The following DNAJC12 variants were observed in gnomAD, a reference collection of about 807,000 sequenced individuals.
DNAJC12 encodes dnaJ homolog subfamily C member 12.
Under a neutral mutation model 28.5 loss-of-function variants are expected in DNAJC12, and 25 were observed. The ratio of observed to expected loss-of-function variants is 0.88; its 90% CI spans 0.64 to 1.22. The LOEUF is 1.22. DNAJC12 is among the 50% of genes most tolerant of loss of function. The probability of loss-of-function intolerance (pLI) is 0.00; values close to 1 mark genes in which losing one functional copy is unlikely to be tolerated. For missense variants in DNAJC12, 222 were observed against 231.7 expected (o/e 0.96, Z 0.27); for synonymous variants, 77 against 80.6 (o/e 0.95, Z 0.24).
At chr10:67,818,752 T>C (rs1841940598) in intron 2 of DNAJC12, among the ~76,000 whole-genome samples, 2 of 151,722 alleles carry the variant, frequency 1.3e-5, no homozygotes, top group Admixed American at 1.3e-4. Context: ...TGCTCCCGGG[T>C]TCATGCGATT....
intron 4 of DNAJC12, among the ~76,000 whole-genome samples, chr10:67,799,537 G>T (rs1183880884): frequency 2.0e-5 from 3 of 151,834 alleles, no homozygotes; most frequent in Non-Finnish European, 4.4e-5. Flanking sequence ...CCTTTTGCTT[G>T]ATTATATTTT....
intron 1 of DNAJC12, among the ~76,000 whole-genome samples, chr10:67,837,259 C>T (rs958671201): frequency 1.3e-5 from 2 of 152,002 alleles, no homozygotes; most frequent in Non-Finnish European, 2.9e-5. Context: ...AATATTAATA[C>T]TGTTATCCTT....
intron 2 of DNAJC12, among the ~76,000 whole-genome samples, chr10:67,818,508 C>T (rs925363744): frequency 2.6e-5 from 4 of 152,060 alleles, no homozygotes; most frequent in African/African-American, 7.2e-5. Context: ...CTAGAAATGG[C>T]AATAATTACA....
intron 3 of DNAJC12, among the ~76,000 whole-genome samples, chr10:67,809,341 G>A (rs370361357): frequency 9.2e-5 from 14 of 152,154 alleles, no homozygotes; most frequent in African/African-American, 2.9e-4. Context: ...AGATTCTCTG[G>A]AATCCTGGGA....
At chr10:67,806,862 G>A (rs563447522) in intron 3 of DNAJC12, among the ~76,000 whole-genome samples, 2 of 150,842 alleles carry the variant, frequency 1.3e-5, no homozygotes, top group African/African-American at 4.9e-5. Flanking sequence ...GGAAGGAAAG[G>A]CACCAAAATA....
chr10:67,837,062 G>A (rs1842148331), intron 1 of DNAJC12, among the ~76,000 whole-genome samples: 1 of 151,428 alleles, frequency 6.6e-6, no homozygotes, highest in African/African-American at 2.4e-5. Context: ...ATTCAACTGT[G>A]GTAACACAGC....
At chr10:67,806,188 T>C (rs561170367) in intron 3 of DNAJC12, among the ~76,000 whole-genome samples, 1 of 152,318 alleles carries the variant, frequency 6.6e-6, no homozygotes, top group Admixed American at 6.5e-5. Flanking sequence ...AAATAATGCA[T>C]AACTATTTCT....
In DNAJC12 at chr10:67,797,021, C is replaced by T; in HGVS notation, c.*95G>A. On this transcript the variant is annotated 3_prime_UTR_variant, in exon 5 of 5. Transcript: ENST00000225171. ...AGTACTCAGCAATTCACAGACATGA[C>T]ATAAACATGACATTTTTAAGACATA... The T allele has an allele frequency of 1.1e-6, 1 of 911,426 alleles. No homozygotes were observed. Among genetic ancestry groups the T allele is most frequent in the Non-Finnish European group, 1.7e-6 (1 of 598,458 alleles). The allele number at this position is 911,426 out of a possible 1,614,324, so 56.5% of individuals were successfully genotyped here.
At chr10:67,823,443 C>T (rs1229364960) in intron 1 of DNAJC12, 51 bp from the exon 2 acceptor site, 4 of 1,531,054 alleles carry the variant, frequency 2.6e-6, no homozygotes, top group Non-Finnish European at 3.6e-6. Flanking sequence ...GGCGCAGTGA[C>T]TCACGCCTAT....
intron 2 of DNAJC12, among the ~76,000 whole-genome samples, chr10:67,817,046 C>CT (rs879611173): frequency 8.0e-4 from 116 of 145,434 alleles, no homozygotes; most frequent in African/African-American, 1.4e-3. Flanking sequence ...CTTAGATTTA[C>CT]TTTTTTTTTT....
In DNAJC12 at chr10:67,836,447, A is replaced by AT. The variant is rs535592491; in HGVS notation, c.78+1486dup. Among the ~76,000 whole-genome samples the AT allele has an allele frequency of 2.1e-3, 314 of 151,956 alleles. 2 individuals carry two copies. The highest frequency in any genetic ancestry group is 7.2e-3 in the African/African-American group (298 of 41,484). On this transcript the variant is annotated intron_variant, in intron 1 of 4. Transcript: ENST00000225171. ...ACCCTTACTGTATAAGCTAGCATGT[A>AT]TTTTTTTAAATCCAAATTGTCAGCC...
intron 1 of DNAJC12, among the ~76,000 whole-genome samples, chr10:67,837,053 T>C (rs1051992890): frequency 6.6e-6 from 1 of 151,566 alleles, no homozygotes; most frequent in African/African-American, 2.4e-5. Context: ...AAGAGAATAA[T>C]TCAACTGTGG....
intron 3 of DNAJC12, among the ~76,000 whole-genome samples, chr10:67,810,137 G>A (rs1841844955): frequency 6.6e-6 from 1 of 152,054 alleles, no homozygotes; most frequent in African/African-American, 2.4e-5. Flanking sequence ...GGAAGAAAGG[G>A]CCTTCTTCTC....
intron 1 of DNAJC12, among the ~76,000 whole-genome samples, chr10:67,837,635 A>G (rs1002558689): frequency 3.9e-5 from 6 of 152,198 alleles, no homozygotes; most frequent in African/African-American, 7.2e-5. Flanking sequence ...AAATTACAAT[A>G]AAATTTCAAA....
chr10:67,833,427 C>T (rs1372844865), intron 1 of DNAJC12, among the ~76,000 whole-genome samples: 2 of 72,854 alleles, frequency 2.7e-5, no homozygotes, highest in East Asian at 3.4e-4. Flanking sequence ...TATCCTCTCT[C>T]TCTCCCTCTC....
chr10:67,821,525 A>C (rs943651248), intron 2 of DNAJC12, among the ~76,000 whole-genome samples: 3 of 152,206 alleles, frequency 2.0e-5, no homozygotes, highest in Admixed American at 6.5e-5. Flanking sequence ...TCAAAAAAAA[A>C]CATTAAGATA....
rs1195128845 is a variant in DNAJC12 at position 67,824,254 on chromosome 10, AT to A, written c.79-863del. ...CTGTCTTAAAAAAAAAAAAAAAAAA[AT>A]ATTTAAATACCCAAAATGATCAGGT... On this transcript the variant is annotated intron_variant, in intron 1 of 4. Coordinates refer to ENST00000225171, the MANE Select transcript of DNAJC12 (RefSeq NM_021800.3). Among the ~76,000 whole-genome samples the A allele has an allele frequency of 8.3e-4, 117 of 140,560 alleles. 1 individual carries two copies. Among genetic ancestry groups the A allele is most frequent in the African/African-American group, 2.2e-3 (84 of 38,494 alleles). The allele number at this position is 140,560 out of a possible 152,430, so 92.2% of individuals were successfully genotyped here.
In DNAJC12 at chr10:67,797,139, TC is replaced by T. The variant is rs1841681481; in HGVS notation, c.573del (p.Lys192SerfsTer34). 6 of 1,613,424 alleles carry T rather than the reference TC, an allele frequency of 3.7e-6. No homozygotes were observed. The highest frequency in any genetic ancestry group is 2.5e-6 in the Non-Finnish European group (3 of 1,179,652). ...TTTCATATTTCATAGTTTCTGAACTTCCTCAGGAGTTCTGAGGGAGCATCCT... is the reference window on the plus strand; with the variant it reads ...TTTCATATTTCATAGTTTCTGAACTTCTCAGGAGTTCTGAGGGAGCATCCT... ...WSKDAPSELL[R>X]KFRNYEI On this transcript the variant is annotated frameshift_variant, in exon 5 of 5. Transcript: ENST00000225171. LOFTEE classifies it high-confidence loss of function.
At chr10:67,820,512 T>C (rs910280008) in intron 2 of DNAJC12, among the ~76,000 whole-genome samples, 1 of 152,202 alleles carries the variant, frequency 6.6e-6, no homozygotes, top group Admixed American at 6.5e-5. Context: ...ATGCTCCACA[T>C]CTCTCTGGGC....
Sources: allele counts gnomAD v4.1 joint callset (sites outside exome capture counted in the v4.1 genomes callset), GRCh38; gene constraint gnomAD v4.1.1; transcripts MANE v1.5; gene names NCBI Gene and HGNC (gene_info 2026-07-23, HGNC 2026-07-21).